The following ERN2 variants were observed in gnomAD, a reference collection of about 807,000 sequenced individuals.
ERN2 encodes the protein serine/threonine-protein kinase/endoribonuclease IRE2.
A neutral mutation model predicts 107.9 loss-of-function variants in ERN2; 111 were observed. The observed-to-expected ratio is 1.03, with a 90% confidence interval of 0.88 to 1.20. The LOEUF (loss-of-function observed/expected upper bound fraction) is 1.20. Among genes scored for constraint, ERN2 ranks in the 50% most tolerant of loss-of-function variants. The pLI is 0.00. For missense variants in ERN2, 1,225 were observed against 1,197.9 expected (o/e 1.02, Z -0.33); for synonymous variants, 524 against 501.7 (o/e 1.04, Z -0.59).
intron 4 of ERN2, chr16:23,709,202 G>C (rs1371460873): frequency 2.2e-6 from 1 of 455,604 alleles, no homozygotes; most frequent in South Asian, 1.6e-5. Flanking sequence ...ATACTGAGGT[G>C]CGAGGATTGC....
At position 23,702,267 on chromosome 16, in the gene ERN2, T is replaced by C; in HGVS notation, c.1088A>G (p.His363Arg). ...GGTGTGCAGGACTGGGGGTAGCTCGTGGTGTCCTAAGGTGGGGGGCAAAAG... is the reference window on the plus strand; with the variant it reads ...GGTGTGCAGGACTGGGGGTAGCTCGCGGTGTCCTAAGGTGGGGGGCAAAAG... ...LPSQWLLIGH[H>R]ELPPVLHTTM... Residue 363 changes from histidine to arginine, a missense_variant, in exon 11 of 22, where the codon CAC (histidine) becomes CGC (arginine). Physicochemically the swap from His to Arg is conservative, Grantham distance 29 (BLOSUM62 0). Transcript: ENST00000256797. 1 of 1,614,048 alleles carries C rather than the reference T, an allele frequency of 6.2e-7. No homozygotes were observed. The highest frequency in any genetic ancestry group is 8.5e-7 in the Non-Finnish European group (1 of 1,180,000).
chr16:23,709,925 C>T, intron 4 of ERN2: 1 of 466,426 alleles, frequency 2.1e-6, no homozygotes, highest in Non-Finnish European at 3.9e-6. Context: ...TTAAAGCCCT[C>T]AGAGTCCTGG....
In ERN2 at chr16:23,690,913, C is replaced by T. The variant is rs202141843; in HGVS notation, c.2699G>A (p.Cys900Tyr). ...GGGCAGGAAGAGGCTCTCAGAGGCG[C>T]AGCTCCTCATGGCTCGGTGCGTGTG... ...LLHTHRAMRS[C>Y]ASESLFLPYY... Residue 900 changes from cysteine to tyrosine, a missense_variant, in exon 22 of 22, where the codon TGC (cysteine) becomes TAC (tyrosine). Transcript: ENST00000256797. 6.2e-7 allele frequency: 1 copy of T among 1,614,136 alleles called. No homozygotes were observed. Among genetic ancestry groups the T allele is most frequent in the Non-Finnish European group, 8.5e-7 (1 of 1,180,040 alleles).
rs1435633931 is a variant in ERN2 at position 23,702,166 on chromosome 16, C to G, written c.1189G>C (p.Ala397Pro). ...TRPPENTQAP[A>P]FFLELLSLSR... ...CCAGCACTGACCTCCAAGAAGAAGG[C>G]TGGGGCCTGGGTATTCTCTGGAGGT... Residue 397 changes from alanine (A) to proline (P), a missense_variant, in exon 11 of 22, where the codon GCC becomes CCC. Coordinates refer to ENST00000256797, the MANE Select transcript of ERN2 (RefSeq NM_033266.4). 6.2e-7 allele frequency: 1 copy of G among 1,613,638 alleles called. No individual in the cohort carries two copies. The highest frequency in any genetic ancestry group is 1.7e-5 in the Admixed American group (1 of 60,010).
At chr16:23,712,766 T>C in intron 1 of ERN2, 1 of 316,552 alleles carries the variant, frequency 3.2e-6, no homozygotes, top group Non-Finnish European at 5.7e-6. Context: ...GAAGCCAGGA[T>C]TCCCAGAAGT....
At position 23,702,189 on chromosome 16, in the gene ERN2, G is replaced by C; in HGVS notation, c.1166C>G (p.Pro389Arg). Residue 389 changes from proline (P) to arginine (R), a missense_variant, in exon 11 of 22, where the codon CCT (proline) becomes CGT (arginine). Physicochemically the swap from Pro to Arg is moderately radical, Grantham distance 103. Coordinates refer to ENST00000256797, the MANE Select transcript of ERN2 (RefSeq NM_033266.4). Reference sequence around the variant, plus strand: ...GGCTGGGGCCTGGGTATTCTCTGGAGGTCTTGTCTCTGCAGTTCCACTCCC... The same window carrying C: ...GGCTGGGGCCTGGGTATTCTCTGGACGTCTTGTCTCTGCAGTTCCACTCCC... ...TLGSGTAETR[P>R]PENTQAPAFF... 6.2e-7 allele frequency: 1 copy of C among 1,614,108 alleles called. No homozygotes were observed. Among genetic ancestry groups the C allele is most frequent in the Non-Finnish European group, 8.5e-7 (1 of 1,180,026 alleles).
In ERN2 at chr16:23,691,133, T is replaced by A. The variant is rs746173198; in HGVS notation, c.2564A>T (p.Asn855Ile). 38 of 1,613,678 alleles carry A rather than the reference T, an allele frequency of 2.4e-5. No individual in the cohort carries two copies. The highest frequency in any genetic ancestry group is 3.2e-5 in the Non-Finnish European group (38 of 1,179,818). ...CACCCAGGCCCCAACACATACCTTG[T>A]TCCTCACAGCACGGAGCAGGTCTCG... ...SVRDLLRAVR[N>I]KKHHYRELPV... Residue 855 changes from asparagine (N) to isoleucine (I), a missense_variant, in exon 21 of 22, where the codon AAC becomes ATC. Asn to Ile is a moderately radical substitution (Grantham distance 149). Transcript: ENST00000256797.
intron 11 of ERN2, 110 bp downstream of exon 11, chr16:23,702,042 T>C: frequency 8.5e-7 from 1 of 1,171,628 alleles, no homozygotes; most frequent in Non-Finnish European, 1.2e-6. Context: ...TGAGGTCAAT[T>C]GACCCACCCC....
chr16:23,712,791 CTT>C lies in ERN2; in HGVS notation c.93+302_93+303del, dbSNP rs531758374. On this transcript the variant is annotated intron_variant, in intron 1 of 21. Coordinates refer to ENST00000256797, the MANE Select transcript of ERN2 (RefSeq NM_033266.4). Reference sequence around the variant, plus strand: ...TTCCCAGAAGTTTTAAGAGGCCTGGCTTTCGTGCCCAGGTGCCCCCCTACCCC... The same window carrying C: ...TTCCCAGAAGTTTTAAGAGGCCTGGCTCGTGCCCAGGTGCCCCCCTACCCC... 6.8e-3 allele frequency: 2,494 copies of C among 368,632 alleles called. 15 individuals are homozygous for C. Among genetic ancestry groups the C allele is most frequent in the Non-Finnish European group, 8.6e-3 (1,783 of 207,146 alleles). The allele number at this position is 368,632 out of a possible 1,614,324, so 22.8% of individuals were successfully genotyped here.
chr16:23,698,434 AG>A (rs1054032680), intron 13 of ERN2, among the ~76,000 whole-genome samples: 2 of 152,242 alleles, frequency 1.3e-5, no homozygotes, highest in South Asian at 4.1e-4. Flanking sequence ...CCTGGTATAC[AG>A]TAAGCGCTAT....
Position 23,707,021 on chromosome 16 carries a change from C to T in ERN2, c.365G>A (p.Gly122Glu). The change falls in exon 5 of 22, where the codon GGG becomes GAG. Residue 122 changes from glycine (G) to glutamate (E), a missense_variant. By Grantham distance (98) the Gly-to-Glu change is moderately conservative (BLOSUM62 -2). Coordinates refer to ENST00000256797, the MANE Select transcript of ERN2 (RefSeq NM_033266.4). ...VHASPCRSSD[G>E]VFYTGRKQDA... The stretch of plus-strand genomic sequence containing the variant: ...GAGATGCTCACCTGTGTAGAAGACC[C>T]CATCAGAGCTGCGGCAGGGAGAGGC... The T allele has an allele frequency of 6.2e-7, 1 of 1,613,942 alleles. No individual in the cohort carries two copies. The highest frequency in any genetic ancestry group is 8.5e-7 in the Non-Finnish European group (1 of 1,179,818).
chr16:23,695,079 G>A lies in ERN2; in HGVS notation c.1840C>T (p.Pro614Ser), dbSNP rs1251416181. 2 of 1,613,744 alleles carry A rather than the reference G, an allele frequency of 1.2e-6. No individual in the cohort carries two copies. The highest frequency in any genetic ancestry group is 1.7e-6 in the Non-Finnish European group (2 of 1,179,914). ...ATCAGCTGCTGCAGCACGACCTCGG[G>A]CTCCAGACCCCCGCGATCCAGGTCC... Reference protein sequence around the residue: ...NPDLDRGGLEPEVVLQQLMSG... With the variant: ...NPDLDRGGLESEVVLQQLMSG... Residue 614 changes from proline to serine, a missense_variant, in exon 16 of 22, where the codon CCC becomes TCC. Coordinates refer to ENST00000256797, the MANE Select transcript of ERN2 (RefSeq NM_033266.4).
At chr16:23,709,130 G>A in intron 4 of ERN2, 3 of 453,936 alleles carry the variant, frequency 6.6e-6, no homozygotes, top group South Asian at 4.7e-5. Flanking sequence ...CCCCTGACAT[G>A]GTTAGAATTC....
At chr16:23,709,225 G>A (rs748754485) in intron 4 of ERN2, 7 of 454,890 alleles carry the variant, frequency 1.5e-5, no homozygotes, top group South Asian at 1.1e-4. Flanking sequence ...GAGGCCAGGA[G>A]TTCGAGGCTG....
chr16:23,703,884 T>C (rs1406545452), intron 8 of ERN2, among the ~76,000 whole-genome samples: 1 of 152,186 alleles, frequency 6.6e-6, no homozygotes, highest in East Asian at 1.9e-4. Flanking sequence ...TCCTATACAT[T>C]CCCATGGCAT....
At position 23,695,099 on chromosome 16, in the gene ERN2, AG is replaced by A. The variant is rs769929701; in HGVS notation, c.1819del (p.Leu607TrpfsTer15). 65 of 1,613,940 alleles carry A rather than the reference AG, an allele frequency of 4.0e-5. No individual in the cohort carries two copies. Among genetic ancestry groups the A allele is most frequent in the Admixed American group, 3.0e-4 (18 of 59,972 alleles). On this transcript the variant is annotated frameshift_variant, in exon 16 of 22. Transcript: ENST00000256797. LOFTEE classifies it high-confidence loss of function. ...SLQEYVENPD[L>X]DRGGLEPEVV... is the part of the protein sequence containing the mutation. ...CTCGGGCTCCAGACCCCCGCGATCC[AG>A]GTCCGGGTTTTCTACGTACTGAGCA...
chr16:23,712,933 C>A, intron 1 of ERN2, 162 bp downstream of exon 1: 1 of 570,658 alleles, frequency 1.8e-6, no homozygotes, highest in East Asian at 3.3e-5. Context: ...CTCCCCAAAC[C>A]CAGGAGGCTT....
chr16:23,695,013 G>A lies in ERN2; in HGVS notation c.1900+6C>T, dbSNP rs367793071. The stretch of plus-strand genomic sequence containing the variant: ...AGGGAGCGGGAGGCAGGGGAAGTGC[G>A]GGTACCTATGTGTAAAGAGTGCAGG... On this transcript the variant is annotated splice_donor_region_variant and intron_variant, in intron 16 of 21. Coordinates refer to ENST00000256797, the MANE Select transcript of ERN2 (RefSeq NM_033266.4). 6 of 1,612,924 alleles carry A rather than the reference G, an allele frequency of 3.7e-6. No individual in the cohort carries two copies. In the South Asian group the frequency reaches 6.6e-5, roughly 18 times the overall value.
intron 6 of ERN2, 23 bp from the exon 7 acceptor site, chr16:23,706,454 T>C: frequency 1.3e-6 from 2 of 1,524,778 alleles, no homozygotes; most frequent in Non-Finnish European, 1.8e-6. Flanking sequence ...GAAGCAAGAT[T>C]ACCAGGAACG....
Sources: allele counts gnomAD v4.1 joint callset (sites outside exome capture counted in the v4.1 genomes callset), GRCh38; gene constraint gnomAD v4.1.1; transcripts MANE v1.5; gene names NCBI Gene and HGNC (gene_info 2026-07-23, HGNC 2026-07-21).